Variants in TNRC6B observed in about 807,000 individuals in gnomAD.
TNRC6B encodes trinucleotide repeat-containing gene 6B protein.
TNRC6B carries 52 observed loss-of-function variants against 203.6 expected under a neutral mutation model. That is an observed-to-expected ratio of 0.26 (90% CI 0.20 to 0.32). TNRC6B has a LOEUF of 0.32. TNRC6B is among the 10% of genes least tolerant of loss of function. The pLI is 1.00. For synonymous variants in TNRC6B, 838 were observed against 845.7 expected (o/e 0.99, Z 0.16); for missense variants, 1,923 against 2,286.2 (o/e 0.84, Z 3.24).
At chr22:40,141,803 C>G (rs939396895) in intron 3 of TNRC6B, among the ~76,000 whole-genome samples, 16 of 152,034 alleles carry the variant, frequency 1.1e-4, no homozygotes. Context: ...GAGTCAGTGT[C>G]TTGCTCTGTC....
intron 1 of TNRC6B, among the ~76,000 whole-genome samples, chr22:40,101,634 T>C (rs1416253546): frequency 6.6e-6 from 1 of 152,134 alleles, no homozygotes; most frequent in African/African-American, 2.4e-5. Context: ...GAGAAAGGAA[T>C]GAAGCTGAAA....
At chr22:40,228,627 C>G (rs2069824696) in intron 1 of TNRC6B, among the ~76,000 whole-genome samples, 1 of 150,054 alleles carries the variant, frequency 6.7e-6, no homozygotes, top group Non-Finnish European at 1.5e-5. Flanking sequence ...TCAAGCGATT[C>G]TCCTGCCTCA....
At chr22:40,168,431 G>T (rs374889858) in intron 4 of TNRC6B, among the ~76,000 whole-genome samples, 1 of 152,170 alleles carries the variant, frequency 6.6e-6, no homozygotes, top group Admixed American at 6.5e-5. Flanking sequence ...GAACACAGAT[G>T]GGGGTACTGG....
Position 40,331,490 on chromosome 22 carries a change from A to C in TNRC6B, c.*8249A>C. The C allele has an allele frequency of 2.7e-6, 1 of 364,854 alleles. No homozygotes were observed. Among genetic ancestry groups the C allele is most frequent in the Non-Finnish European group, 4.9e-6 (1 of 203,306 alleles). The allele number at this position is 364,854 out of a possible 1,614,324, so 22.6% of individuals were successfully genotyped here. ...TCAGAGCTCCCCCAAAGAGGAGAAC[A>C]GTCCCTCCCACTCGATTCCTTCAGC... is the stretch of plus-strand genomic sequence containing the variant. On this transcript the variant is annotated 3_prime_UTR_variant, in exon 23 of 23. Coordinates refer to ENST00000454349, the MANE Select transcript of TNRC6B (RefSeq NM_001162501.2).
chr22:40,054,022 G>A (rs2067772180), intron 1 of TNRC6B, among the ~76,000 whole-genome samples: 2 of 152,168 alleles, frequency 1.3e-5, no homozygotes, highest in South Asian at 4.1e-4. Context: ...GTCAAGACCA[G>A]CCTGGGCAAC....
chr22:40,130,079 A>G (rs1445883074), intron 3 of TNRC6B, among the ~76,000 whole-genome samples: 1 of 152,248 alleles, frequency 6.6e-6, no homozygotes, highest in Non-Finnish European at 1.5e-5. Flanking sequence ...TAAATGGAAG[A>G]GAGAACAATG....
At chr22:40,045,621 T>A in intron 1 of TNRC6B, 1 of 152,390 alleles carries the variant, frequency 6.6e-6, no homozygotes, top group Non-Finnish European at 1.5e-5. Context: ...GCCAGGGCCC[T>A]GCGTGTGCGG....
chr22:40,332,225 CTTAGTT>C lies in TNRC6B; in HGVS notation c.*8985_*8990del, dbSNP rs1223010908. 6.6e-6 allele frequency: 1 copy of C among 152,454 alleles called. No individual in the cohort carries two copies. Among genetic ancestry groups the C allele is most frequent in the South Asian group, 2.1e-4 (1 of 4,818 alleles). The allele number at this position is 152,454 out of a possible 1,614,324, so 9.4% of individuals were successfully genotyped here. A position where few individuals can be genotyped will look rare whatever the true frequency, so the allele number is the denominator to read the frequency against. ...TTAATCATGTTTAAGTGAACTTACT[CTTAGTT>C]ATAAGGAACTGTCCTGCTTTGTGGG... On this transcript the variant is annotated 3_prime_UTR_variant, in exon 23 of 23. Transcript: ENST00000454349.
intron 1 of TNRC6B, among the ~76,000 whole-genome samples, chr22:40,216,999 C>T (rs1443706746): frequency 6.6e-6 from 1 of 152,146 alleles, no homozygotes; most frequent in African/African-American, 2.4e-5. Flanking sequence ...CCTAAAACTT[C>T]CTATATTCCA....
intron 1 of TNRC6B, among the ~76,000 whole-genome samples, chr22:40,196,996 CAT>C (rs899022050): frequency 6.6e-5 from 10 of 152,100 alleles, no homozygotes; most frequent in Admixed American, 6.5e-4. Flanking sequence ...GCCATGTACA[CAT>C]GAGGAGGTGG....
intron 1 of TNRC6B, among the ~76,000 whole-genome samples, chr22:40,196,295 T>G (rs2069336524): frequency 6.6e-6 from 1 of 150,534 alleles, no homozygotes; most frequent in African/African-American, 2.4e-5. Context: ...GGCTACAGGC[T>G]CCACCACCAT....
chr22:40,150,690 C>G (rs1171738083), intron 3 of TNRC6B, among the ~76,000 whole-genome samples: 2 of 152,320 alleles, frequency 1.3e-5, no homozygotes, highest in East Asian at 3.9e-4. Flanking sequence ...ACATAAAAGG[C>G]TACATGCTGA....
At chr22:40,146,561 A>ATTTTTT (rs59901929) in intron 3 of TNRC6B, among the ~76,000 whole-genome samples, 1 of 109,222 alleles carries the variant, frequency 9.2e-6, no homozygotes, top group Non-Finnish European at 1.8e-5. Context: ...CGCCCGGCTA[A>ATTTTTT]TTTTTTTTTT....
intron 1 of TNRC6B, among the ~76,000 whole-genome samples, chr22:40,225,338 T>A (rs981287305): frequency 3.3e-5 from 5 of 151,980 alleles, no homozygotes; most frequent in African/African-American, 1.2e-4. Flanking sequence ...ACTAATACAG[T>A]CCCTAGATCA....
intron 3 of TNRC6B, among the ~76,000 whole-genome samples, chr22:40,260,119 T>C (rs1040325187): frequency 1.3e-5 from 2 of 152,120 alleles, no homozygotes; most frequent in Non-Finnish European, 2.9e-5. Flanking sequence ...AAAATTAAGT[T>C]TAAAAAAATC....
At chr22:40,126,299 G>A (rs1478683253) in intron 3 of TNRC6B, among the ~76,000 whole-genome samples, 1 of 152,094 alleles carries the variant, frequency 6.6e-6, no homozygotes, top group Non-Finnish European at 1.5e-5. Flanking sequence ...TGTTGCATGA[G>A]TATGTTGTGT....
chr22:40,231,065 A>G (rs2069863215), intron 1 of TNRC6B, among the ~76,000 whole-genome samples: 1 of 152,024 alleles, frequency 6.6e-6, no homozygotes, highest in Non-Finnish European at 1.5e-5. Context: ...ATATATATAT[A>G]TATCAGTGTA....
intron 1 of TNRC6B, among the ~76,000 whole-genome samples, chr22:40,112,323 A>C (rs1427077466): frequency 1.3e-5 from 2 of 152,270 alleles, no homozygotes; most frequent in East Asian, 3.9e-4. Flanking sequence ...TGGGCATCAG[A>C]ACTGAGTTCA....
intron 1 of TNRC6B, among the ~76,000 whole-genome samples, chr22:40,097,709 C>CAA (rs1465100413): frequency 6.7e-6 from 1 of 149,244 alleles, no homozygotes; most frequent in Non-Finnish European, 1.5e-5. Context: ...CACACACACA[C>CAA]ACACACTGTA....
Sources: allele counts gnomAD v4.1 joint callset (sites outside exome capture counted in the v4.1 genomes callset), GRCh38; gene constraint gnomAD v4.1.1; transcripts MANE v1.5; gene names NCBI Gene and HGNC (gene_info 2026-07-23, HGNC 2026-07-21).